Variants in NOVA2 observed in about 807,000 individuals in gnomAD.
The protein encoded by NOVA2 is RNA-binding protein Nova-2.
Under a neutral mutation model 22.5 loss-of-function variants are expected in NOVA2, and 9 were observed. The ratio of observed to expected loss-of-function variants is 0.40; its 90% CI spans 0.24 to 0.70. The LOEUF (loss-of-function observed/expected upper bound fraction) is 0.70. NOVA2 is among the 30% of genes least tolerant of loss of function. NOVA2 has a pLI of 0.38. For missense variants in NOVA2, 383 were observed against 682.8 expected (o/e 0.56, Z 4.89); for synonymous variants, 318 against 335.2 (o/e 0.95, Z 0.56).
chr19:45,956,212 G>A (rs1968003887), intron 2 of NOVA2, among the ~76,000 whole-genome samples: 1 of 141,754 alleles, frequency 7.1e-6, no homozygotes, highest in Non-Finnish European at 1.6e-5. Context: ...TCCGTCTGGT[G>A]TAAATAGGAA....
chr19:45,972,021 C>G (rs944459592), intron 1 of NOVA2, among the ~76,000 whole-genome samples: 3 of 152,058 alleles, frequency 2.0e-5, no homozygotes, highest in Non-Finnish European at 4.4e-5. Context: ...GACACACACA[C>G]AGCCTCCCTT....
intron 1 of NOVA2, among the ~76,000 whole-genome samples, chr19:45,972,263 C>T (rs1968242484): frequency 6.6e-6 from 1 of 152,076 alleles, no homozygotes; most frequent in Non-Finnish European, 1.5e-5. Flanking sequence ...CACACACCCC[C>T]TCTGATGTCA....
intron 1 of NOVA2, among the ~76,000 whole-genome samples, chr19:45,961,474 A>T (rs1968095307): frequency 6.6e-6 from 1 of 151,946 alleles, no homozygotes; most frequent in Non-Finnish European, 1.5e-5. Flanking sequence ...GGGAAGACAG[A>T]CAGTATATTT....
intron 2 of NOVA2, among the ~76,000 whole-genome samples, chr19:45,954,780 G>C (rs1333088194): frequency 2.0e-5 from 3 of 151,204 alleles, no homozygotes; most frequent in Admixed American, 6.6e-5. Flanking sequence ...GAAACTGGGG[G>C]GTATTGGGAT....
intron 3 of NOVA2, among the ~76,000 whole-genome samples, chr19:45,949,984 G>A (rs1316303466): frequency 8.6e-5 from 13 of 150,662 alleles, no homozygotes; most frequent in African/African-American, 2.4e-4. Flanking sequence ...CAAGTAATCC[G>A]CCCACCTCGG....
intron 3 of NOVA2, among the ~76,000 whole-genome samples, chr19:45,952,633 G>A (rs554320050): frequency 6.6e-6 from 1 of 152,348 alleles, no homozygotes; most frequent in East Asian, 1.9e-4. Context: ...CCAAGGCGGA[G>A]GGAAGAGGCA....
chr19:45,948,750 T>C (rs961552812), intron 3 of NOVA2, among the ~76,000 whole-genome samples: 5 of 152,178 alleles, frequency 3.3e-5, no homozygotes, highest in African/African-American at 1.2e-4. Flanking sequence ...AAGTTGAACA[T>C]AGATTTATCA....
rs1370016234 is a variant in NOVA2 at position 45,973,835 on chromosome 19, T to C, written c.-484A>G. Among the ~76,000 whole-genome samples the C allele has an allele frequency of 6.6e-5, 10 of 151,196 alleles. No individual in the cohort carries two copies. The East Asian group carries it at 2.0e-3, about 30-fold the overall frequency. On this transcript the variant is annotated 5_prime_UTR_variant, in exon 1 of 4. Transcript: ENST00000263257. ...CTGGGGGGACGGGACTCCCCGCTTC[T>C]TCTTGGCTCCCTGGGGCAAGAGGGC... is the stretch of plus-strand genomic sequence containing the variant.
Position 45,935,203 on chromosome 19 carries a change from A to G in NOVA2, c.*4660T>C, listed in dbSNP as rs1967639727. 1 of 151,852 alleles carries G rather than the reference A, an allele frequency of 6.6e-6. No individual in the cohort carries two copies. The highest frequency in any genetic ancestry group is 1.5e-5 in the Non-Finnish European group (1 of 68,014). 9.4% of individuals were successfully genotyped at this position (151,852 alleles called of 1,614,324 possible). ...TATCTCTGGGAGACAAGTGTCCTGGACTGGTTGAGAAGGGATTAAAAACCA... is the reference window on the plus strand; with the variant it reads ...TATCTCTGGGAGACAAGTGTCCTGGGCTGGTTGAGAAGGGATTAAAAACCA... On this transcript the variant is annotated 3_prime_UTR_variant, in exon 4 of 4. Coordinates refer to ENST00000263257, the MANE Select transcript of NOVA2 (RefSeq NM_002516.4).
At position 45,935,018 on chromosome 19, in the gene NOVA2, G is replaced by C. The variant is rs968184039; in HGVS notation, c.*4845C>G. ...TAATCAAAAAGAGTTCGATGAGCGA[G>C]TCTGACGGTCGAGTGGGGCGGGCTG... On this transcript the variant is annotated 3_prime_UTR_variant, in exon 4 of 4. Coordinates refer to ENST00000263257, the MANE Select transcript of NOVA2 (RefSeq NM_002516.4). 6.6e-6 allele frequency: 1 copy of C among 151,936 alleles called. No individual in the cohort carries two copies. The highest frequency in any genetic ancestry group is 1.5e-5 in the Non-Finnish European group (1 of 68,032). 9.4% of individuals were successfully genotyped at this position (151,936 alleles called of 1,614,324 possible).
At chr19:45,946,204 A>G (rs1967835618) in intron 3 of NOVA2, among the ~76,000 whole-genome samples, 1 of 152,102 alleles carries the variant, frequency 6.6e-6, no homozygotes, top group South Asian at 2.1e-4. Context: ...TGGGAGTCTG[A>G]GAAGGGAGGA....
intron 1 of NOVA2, among the ~76,000 whole-genome samples, chr19:45,964,185 T>C (rs900890421): frequency 6.2e-4 from 77 of 123,494 alleles, no homozygotes; most frequent in African/African-American, 2.7e-3. Flanking sequence ...TTTTCTTTTT[T>C]TTTTTTTTTT....
intron 1 of NOVA2, among the ~76,000 whole-genome samples, chr19:45,965,754 C>T (rs1968159834): frequency 6.6e-6 from 1 of 151,962 alleles, no homozygotes; most frequent in South Asian, 2.1e-4. Context: ...GTGCATTTTG[C>T]CACTGATGGG....
At chr19:45,964,391 T>C (rs1968141609) in intron 1 of NOVA2, among the ~76,000 whole-genome samples, 2 of 147,206 alleles carry the variant, frequency 1.4e-5, no homozygotes, top group South Asian at 2.2e-4. Flanking sequence ...TGTGTGTGTG[T>C]GTGTGTGTAT....
intron 1 of NOVA2, among the ~76,000 whole-genome samples, chr19:45,966,427 T>G (rs189033335): frequency 6.6e-6 from 1 of 152,192 alleles, no homozygotes; most frequent in Non-Finnish European, 1.5e-5. Flanking sequence ...ATTTATTTAC[T>G]TATTTATTTA....
intron 2 of NOVA2, among the ~76,000 whole-genome samples, chr19:45,955,254 G>T (rs1967987602): frequency 6.6e-6 from 1 of 152,170 alleles, no homozygotes; most frequent in South Asian, 2.1e-4. Flanking sequence ...GGATGTTTCT[G>T]AGACTATTTG....
In NOVA2 at chr19:45,934,747, A is replaced by C. The variant is rs957198471; in HGVS notation, c.*5116T>G. On this transcript the variant is annotated 3_prime_UTR_variant, in exon 4 of 4. Transcript: ENST00000263257. ...TCAGAGTGAGCGCTCCATTTGAGGG[A>C]GGCCACGCCCCTGGACCCGCCTTTT... 6.6e-6 allele frequency: 1 copy of C among 152,044 alleles called. No individual in the cohort carries two copies. Among genetic ancestry groups the C allele is most frequent in the African/African-American group, 2.4e-5 (1 of 41,324 alleles). The allele number at this position is 152,044 out of a possible 1,614,324, so 9.4% of individuals were successfully genotyped here. A position where few individuals can be genotyped will look rare whatever the true frequency, so the allele number is the denominator to read the frequency against.
chr19:45,973,124 C>T (rs993931625), intron 1 of NOVA2, 143 bp downstream of exon 1: 7 of 191,938 alleles, frequency 3.6e-5, no homozygotes, highest in Non-Finnish European at 5.3e-5. Flanking sequence ...CCCTCCTCAA[C>T]TCCCCGCTCT....
chr19:45,950,131 C>T (rs553663403), intron 3 of NOVA2, among the ~76,000 whole-genome samples: 1 of 151,620 alleles, frequency 6.6e-6, no homozygotes, highest in East Asian at 2.0e-4. Context: ...ATTAGCATAA[C>T]CACACCTACC....
Sources: allele counts gnomAD v4.1 joint callset (sites outside exome capture counted in the v4.1 genomes callset), GRCh38; gene constraint gnomAD v4.1.1; transcripts MANE v1.5; gene names NCBI Gene and HGNC (gene_info 2026-07-23, HGNC 2026-07-21).